RBFOX1: variants seen among roughly 807,000 people sequenced by gnomAD.
RBFOX1 encodes RNA binding protein fox-1 homolog 1.
RBFOX1 carries 8 observed loss-of-function variants against 57.7 expected under a neutral mutation model. That is an observed-to-expected ratio of 0.14 (90% confidence interval 0.08 to 0.25). The LOEUF is 0.25. Ranked by LOEUF, RBFOX1 falls within the 10% of genes least tolerant of loss-of-function variation. The probability of loss-of-function intolerance (pLI) is 1.00; values close to 1 mark genes in which losing one functional copy is unlikely to be tolerated. For missense variants in RBFOX1, 611 were observed against 548.5 expected (o/e 1.11, Z -1.14); for synonymous variants, 326 against 222.4 (o/e 1.47, Z -4.15).
At chr16:7,572,908 C>T (rs1056085157) in intron 5 of RBFOX1, among the ~76,000 whole-genome samples, 5 of 148,338 alleles carry the variant, frequency 3.4e-5, no homozygotes, top group South Asian at 4.3e-4. Flanking sequence ...ATTGAGGAAC[C>T]GTACTATAGT....
intron 1 of RBFOX1, among the ~76,000 whole-genome samples, chr16:5,424,387 T>C (rs924670839): frequency 6.6e-6 from 1 of 152,238 alleles, no homozygotes; most frequent in African/African-American, 2.4e-5. Context: ...TCCATCACCT[T>C]GGGCAATTTG....
intron 1 of RBFOX1, among the ~76,000 whole-genome samples, chr16:6,089,065 C>CAA (rs5815283): frequency 1.0e-3 from 140 of 138,228 alleles, no homozygotes; most frequent in African/African-American, 3.6e-3. Context: ...AACTCTGTCT[C>CAA]AAAAAAAAAA....
At chr16:6,281,228 G>A (rs2152698975) in intron 1 of RBFOX1, among the ~76,000 whole-genome samples, 1 of 152,160 alleles carries the variant, frequency 6.6e-6, no homozygotes, top group Non-Finnish European at 1.5e-5. Context: ...CCCGGTGCTA[G>A]GACAAGCACC....
At chr16:7,159,137 C>G (rs1038994292) in intron 4 of RBFOX1, among the ~76,000 whole-genome samples, 6 of 152,188 alleles carry the variant, frequency 3.9e-5, no homozygotes, top group African/African-American at 1.4e-4. Context: ...TGGAGACTGG[C>G]TTCTTTTTCT....
intron 3 of RBFOX1, among the ~76,000 whole-genome samples, chr16:6,985,874 T>C (rs571308441): frequency 2.7e-5 from 4 of 150,734 alleles, no homozygotes; most frequent in Non-Finnish European, 5.9e-5. Flanking sequence ...TTTTTCTTTT[T>C]CTTTTCTTTT....
At chr16:7,456,687 G>A (rs2150376836) in intron 4 of RBFOX1, among the ~76,000 whole-genome samples, 1 of 152,148 alleles carries the variant, frequency 6.6e-6, no homozygotes, top group East Asian at 1.9e-4. Flanking sequence ...GGTCTTCCTG[G>A]GATGTTCACC....
intron 2 of RBFOX1, among the ~76,000 whole-genome samples, chr16:5,491,555 G>A (rs746122646): frequency 6.6e-6 from 1 of 152,150 alleles, no homozygotes; most frequent in Non-Finnish European, 1.5e-5. Flanking sequence ...TATACAACAG[G>A]ATTCTTACAG....
intron 2 of RBFOX1, among the ~76,000 whole-genome samples, chr16:5,523,883 T>A (rs527915999): frequency 5.0e-4 from 76 of 152,288 alleles, no homozygotes; most frequent in African/African-American, 1.8e-3. Flanking sequence ...GAGGGGCTGT[T>A]GTATCCATCC....
chr16:6,289,242 T>G (rs1262777034), intron 1 of RBFOX1, among the ~76,000 whole-genome samples: 1 of 152,142 alleles, frequency 6.6e-6, no homozygotes, highest in Non-Finnish European at 1.5e-5. Context: ...CTTGACATTT[T>G]TGGAAGTGTG....
intron 1 of RBFOX1, among the ~76,000 whole-genome samples, chr16:5,383,828 G>T (rs1457145852): frequency 1.3e-5 from 2 of 152,186 alleles, no homozygotes; most frequent in Non-Finnish European, 2.9e-5. Context: ...ACTTTCTTTA[G>T]TAGAAAAGAG....
At chr16:5,871,010 T>C (rs1597580071) in intron 4 of RBFOX1, among the ~76,000 whole-genome samples, 1 of 152,164 alleles carries the variant, frequency 6.6e-6, no homozygotes, top group South Asian at 2.1e-4. Context: ...CCAGTTCCCT[T>C]TCTCTCTGCA....
chr16:6,170,467 G>T (rs1418559756), intron 1 of RBFOX1, among the ~76,000 whole-genome samples: 2 of 152,150 alleles, frequency 1.3e-5, no homozygotes, highest in Non-Finnish European at 2.9e-5. Flanking sequence ...CCCCGTGGAT[G>T]CATTGTTATG....
chr16:7,034,561 C>A (rs889945157), intron 3 of RBFOX1, among the ~76,000 whole-genome samples: 1 of 151,940 alleles, frequency 6.6e-6, no homozygotes, highest in East Asian at 1.9e-4. Context: ...GCCTAGAGAG[C>A]CTTGAAATTT....
At chr16:6,817,164 C>A (rs1227276194) in intron 3 of RBFOX1, among the ~76,000 whole-genome samples, 1 of 152,092 alleles carries the variant, frequency 6.6e-6, no homozygotes, top group Admixed American at 6.5e-5. Context: ...AAGGCTGATC[C>A]CTTGACTGGA....
At chr16:5,447,103 A>G (rs987482392) in intron 1 of RBFOX1, among the ~76,000 whole-genome samples, 37 of 152,304 alleles carry the variant, frequency 2.4e-4, no homozygotes, top group Admixed American at 2.0e-3. Flanking sequence ...TGACTACCGC[A>G]TGAGCCCCTT....
chr16:7,490,385 C>G (rs529485490), intron 4 of RBFOX1, among the ~76,000 whole-genome samples: 1 of 152,278 alleles, frequency 6.6e-6, no homozygotes, highest in South Asian at 2.1e-4. Context: ...AGAATCTCTA[C>G]TGGAGCTTGT....
chr16:6,170,187 G>A lies in RBFOX1; in HGVS notation c.-126-146808G>A, dbSNP rs541585093. On this transcript the variant is annotated intron_variant, in intron 1 of 15. Coordinates refer to ENST00000550418, the MANE Select transcript of RBFOX1 (RefSeq NM_018723.4). ...TGTGTGAGGCTATGGCATGAGGAAG[G>A]GTATCATGAAGAGGTTGAAGTCCAT... is the stretch of plus-strand genomic sequence containing the variant. 3.9e-5 allele frequency among the ~76,000 whole-genome samples: 6 copies of A among 152,250 alleles called. No individual in the cohort carries two copies. In the South Asian group the frequency reaches 8.3e-4, roughly 21 times the overall value.
chr16:6,375,938 CA>C (rs2091118678), intron 2 of RBFOX1, among the ~76,000 whole-genome samples: 1 of 152,154 alleles, frequency 6.6e-6, no homozygotes, highest in South Asian at 2.1e-4. Context: ...GCAGGGGTGC[CA>C]GTGAACTTGG....
intron 4 of RBFOX1, among the ~76,000 whole-genome samples, chr16:7,439,782 A>G (rs1378525575): frequency 9.2e-5 from 14 of 152,064 alleles, no homozygotes; most frequent in Non-Finnish European, 2.1e-4. Context: ...CCAAATTTAC[A>G]GATTGCTTGC....
Sources: allele counts gnomAD v4.1 joint callset (sites outside exome capture counted in the v4.1 genomes callset), GRCh38; gene constraint gnomAD v4.1.1; transcripts MANE v1.5; gene names NCBI Gene and HGNC (gene_info 2026-07-23, HGNC 2026-07-21).